PI4KB: variants seen among roughly 807,000 people sequenced by gnomAD.
PI4KB encodes the protein PtdIns 4-kinase beta.
A neutral mutation model predicts 81.4 loss-of-function variants in PI4KB; 23 were observed. That is an observed-to-expected ratio of 0.28 (90% CI 0.20 to 0.40). PI4KB has a LOEUF of 0.40. PI4KB is among the 10% of genes least tolerant of loss of function. PI4KB has a pLI of 1.00. For missense variants in PI4KB, 651 were observed against 1,036.6 expected (o/e 0.63, Z 5.11); for synonymous variants, 381 against 406.8 (o/e 0.94, Z 0.76).
At chr1:151,321,465 A>G (rs2102015123) in intron 1 of PI4KB, among the ~76,000 whole-genome samples, 1 of 151,806 alleles carries the variant, frequency 6.6e-6, no homozygotes, top group East Asian at 2.0e-4. Context: ...GCTCACCGCA[A>G]CCTCCGCCTC....
At position 151,292,924 on chromosome 1, in the gene PI4KB, C is replaced by T; in HGVS notation, c.2379G>A (p.Val793=). The change falls in exon 12 of 12, where the codon GTG becomes GTA. Residue 793 remains valine, a synonymous_variant. Transcript: ENST00000368873. ...EQLQLLVEQM[V]DGSMRSITTK... is the part of the protein sequence containing the mutation. ...TGGTGATAGACCGCATACTGCCATCCACCATCTGCTCCACCAGCAGCTGCA... is the reference window on the plus strand; with the variant it reads ...TGGTGATAGACCGCATACTGCCATCTACCATCTGCTCCACCAGCAGCTGCA... The T allele has an allele frequency of 6.2e-7, 1 of 1,614,190 alleles. No homozygotes were observed. The highest frequency in any genetic ancestry group is 8.5e-7 in the Non-Finnish European group (1 of 1,180,038).
chr1:151,306,408 A>G (rs779378121), intron 4 of PI4KB, 45 bp from the exon 5 acceptor site: 5 of 1,239,600 alleles, frequency 4.0e-6, no homozygotes, highest in Non-Finnish European at 5.9e-6. Flanking sequence ...TTCCACCACT[A>G]ACCCCCAAAT....
intron 8 of PI4KB, among the ~76,000 whole-genome samples, chr1:151,299,679 G>C (rs1399932847): frequency 6.6e-6 from 1 of 151,960 alleles, no homozygotes; most frequent in Non-Finnish European, 1.5e-5. Flanking sequence ...GACAGAGCGA[G>C]ACTCTCTCCG....
At chr1:151,316,730 T>C (rs1021460089) in intron 1 of PI4KB, among the ~76,000 whole-genome samples, 6 of 152,244 alleles carry the variant, frequency 3.9e-5, no homozygotes, top group Non-Finnish European at 7.3e-5. Flanking sequence ...CTCCTGTAGT[T>C]ACTCAGCTTA....
rs762969703 is a variant in PI4KB, at chr1:151,310,231, T to C, written c.934A>G (p.Ile312Val). 5.4e-5 allele frequency: 86 copies of C among 1,605,678 alleles called. No individual in the cohort carries two copies. The highest frequency in any genetic ancestry group is 1.7e-4 in the Middle Eastern group (1 of 5,978). ...DEELSSSTES[I>V]DNSFSSPVRL... ...CTTACGGAACTGAATGAATTATCAA[T>C]ACTCTCGGTGCTGGAGGAGAGCTCC... Residue 312 changes from isoleucine (I) to valine (V), a missense_variant, in exon 3 of 12, where the codon ATT becomes GTT. Transcript: ENST00000368873.
At chr1:151,311,465 G>A (rs1453542974) in intron 2 of PI4KB, among the ~76,000 whole-genome samples, 1 of 152,230 alleles carries the variant, frequency 6.6e-6, no homozygotes, top group African/African-American at 2.4e-5. Context: ...GGGGACTGGA[G>A]CACTTTGAGG....
rs751023508 is a variant in PI4KB, at chr1:151,315,690, C to T, written c.792G>A (p.Gly264=). ...GGTGAGTCCTTTTGGAGGGAGACAG[C>T]CCTGTGTCAGGGGCCGGGCTCAAGG... ...LPSLSPAPDT[G]LSPSKRTHQR... Residue 264 remains glycine (G), a synonymous_variant, in exon 2 of 12, where the codon GGG becomes GGA. Transcript: ENST00000368873. The T allele has an allele frequency of 3.1e-6, 5 of 1,614,096 alleles. No homozygotes were observed. In the Admixed American group the frequency reaches 8.3e-5, roughly 27 times the overall value.
rs570559122 is a variant in PI4KB at position 151,318,994 on chromosome 1, G to C, written c.-28-2485C>G. On this transcript the variant is annotated intron_variant, in intron 1 of 11. Transcript: ENST00000368873. Reference sequence around the variant, plus strand: ...TAATGGAAAGAGCTCTGGACTTGAAGGCAAATAGGCTGGGGTTGAAAATCC... The same window carrying C: ...TAATGGAAAGAGCTCTGGACTTGAACGCAAATAGGCTGGGGTTGAAAATCC... 1.4e-3 allele frequency among the ~76,000 whole-genome samples: 214 copies of C among 152,250 alleles called. 1 individual carries two copies. The highest frequency in any genetic ancestry group is 4.8e-3 in the African/African-American group (201 of 41,540).
chr1:151,303,699 G>A (rs758741699), intron 5 of PI4KB, 49 bp from the exon 6 acceptor site: 13 of 1,169,494 alleles, frequency 1.1e-5, no homozygotes, highest in Middle Eastern at 2.0e-4. Context: ...TAGGTCTCCC[G>A]TCTTTCCCCT....
chr1:151,301,649 G>A (rs1046466056), intron 8 of PI4KB, among the ~76,000 whole-genome samples, 195 bp downstream of exon 8: 9 of 152,116 alleles, frequency 5.9e-5, no homozygotes, highest in Admixed American at 3.3e-4. Context: ...CACCCGCCTC[G>A]GCCTCCCAAA....
chr1:151,306,453 T>C (rs891718385), intron 4 of PI4KB, 90 bp from the exon 5 acceptor site: 2 of 794,272 alleles, frequency 2.5e-6, no homozygotes, highest in African/African-American at 1.7e-5. Flanking sequence ...CCTGCTGTCC[T>C]TTCTCCTAGC....
Position 151,306,117 on chromosome 1 carries a change from C to T in PI4KB, c.1410+19G>A. On this transcript the variant is annotated intron_variant, in intron 5 of 11. Transcript: ENST00000368873. Reference sequence around the variant, plus strand: ...GAAAGCTCCTGTGACCCAGCATTACCTCCCTGAAGCCCTCTCACCTCCACT... The same window carrying T: ...GAAAGCTCCTGTGACCCAGCATTACTTCCCTGAAGCCCTCTCACCTCCACT... The T allele has an allele frequency of 1.3e-6, 2 of 1,588,818 alleles. No homozygotes were observed. The highest frequency in any genetic ancestry group is 1.1e-5 in the South Asian group (1 of 90,602).
intron 1 of PI4KB, chr1:151,324,733 C>CTG: frequency 1.0e-6 from 1 of 985,060 alleles, no homozygotes; most frequent in South Asian, 4.7e-5. Flanking sequence ...AGAAAGCAGC[C>CTG]TGTGCACTCA....
intron 1 of PI4KB, among the ~76,000 whole-genome samples, chr1:151,321,502 A>G (rs1212298217): frequency 6.6e-6 from 1 of 151,902 alleles, no homozygotes; most frequent in Non-Finnish European, 1.5e-5. Context: ...CTCCTGCCTC[A>G]GCCTCCCAAG....
rs751857900 is a variant in PI4KB at position 151,306,265 on chromosome 1, C to T, written c.1281G>A (p.Arg427=). Residue 427 remains arginine (R), a synonymous_variant, in exon 5 of 12, where the codon AGG becomes AGA. Coordinates refer to ENST00000368873, the MANE Select transcript of PI4KB (RefSeq NM_001369623.2). ...CACATTCGGGCAAGTTTTCTACGGA[C>T]CTCGTACTCCGAATTCGGTTCTCGG... ...RIPENRIRST[R]SVENLPECGI... 3 of 1,614,162 alleles carry T rather than the reference C, an allele frequency of 1.9e-6. No homozygotes were observed. The highest frequency in any genetic ancestry group is 3.3e-5 in the Admixed American group (2 of 60,012).
intron 2 of PI4KB, 104 bp from the exon 3 acceptor site, chr1:151,310,359 C>A: frequency 1.4e-6 from 1 of 732,426 alleles, no homozygotes; most frequent in Non-Finnish European, 2.4e-6. Flanking sequence ...AACTGCTTCT[C>A]TAGTGAAGTT....
intron 3 of PI4KB, among the ~76,000 whole-genome samples, chr1:151,309,936 A>G (rs1696067786): frequency 6.6e-6 from 1 of 152,102 alleles, no homozygotes; most frequent in Non-Finnish European, 1.5e-5. Flanking sequence ...TGCTCCAGAC[A>G]CTCAGGAGCT....
At chr1:151,306,506 A>G (rs1379051120) in intron 4 of PI4KB, 143 bp from the exon 5 acceptor site, 8 of 626,010 alleles carry the variant, frequency 1.3e-5, no homozygotes, top group Non-Finnish European at 2.0e-5. Context: ...TGAACACTAT[A>G]TTTAGGGCAG....
chr1:151,315,662 G>A lies in PI4KB; in HGVS notation c.820C>T (p.Arg274Cys). 2 of 1,614,084 alleles carry A rather than the reference G, an allele frequency of 1.2e-6. No homozygotes were observed. Among genetic ancestry groups the A allele is most frequent in the Non-Finnish European group, 1.7e-6 (2 of 1,179,982 alleles). Residue 274 changes from arginine (R) to cysteine (C), a missense_variant, in exon 2 of 12, where the codon CGC (arginine) becomes TGC (cysteine). Arg to Cys is a radical substitution (Grantham distance 180). Coordinates refer to ENST00000368873, the MANE Select transcript of PI4KB (RefSeq NM_001369623.2). The stretch of plus-strand genomic sequence containing the variant: ...CTGGCAGTGGCATCTGACTTAGAGC[G>A]CTGGTGAGTCCTTTTGGAGGGAGAC... Reference protein sequence around the residue: ...GLSPSKRTHQRSKSDATASIS... With the variant: ...GLSPSKRTHQCSKSDATASIS...
Sources: gnomAD v4.1 joint callset for allele counts (sites outside exome capture counted in the v4.1 genomes callset) on GRCh38, gnomAD v4.1.1 for gene constraint, MANE v1.5 for transcripts, NCBI Gene and HGNC (gene_info 2026-07-23, HGNC 2026-07-21) for gene names.